RASGEF1B: variants seen among roughly 807,000 people sequenced by gnomAD.
The protein encoded by RASGEF1B is ras-GEF domain-containing family member 1B.
In RASGEF1B, 30 loss-of-function variants were observed where a neutral mutation model predicts 65.7. The observed-to-expected ratio is 0.46, with a 90% CI of 0.34 to 0.62. RASGEF1B has a LOEUF of 0.62. Ranked by LOEUF, RASGEF1B falls within the 20% of genes least tolerant of loss-of-function variation. The pLI is 0.01. For missense variants in RASGEF1B, 495 were observed against 580.1 expected, an observed-to-expected ratio of 0.85 and a Z score of 1.51; for synonymous variants, 175 against 194.8, an observed-to-expected ratio of 0.90 and a Z score of 0.85.
rs898646658 is a variant in RASGEF1B at position 81,471,877 on chromosome 4, T to A, written c.-114A>T. ...GCGCGGGAAGAAGAAAAACAAAATC[T>A]GTCTAACCAGTCGGGTTCCTTGTTT... On this transcript the variant is annotated 5_prime_UTR_variant, in exon 1 of 14. Coordinates refer to ENST00000264400, the MANE Select transcript of RASGEF1B (RefSeq NM_152545.3). 1 of 152,650 alleles carries A rather than the reference T, an allele frequency of 6.6e-6. No homozygotes were observed. Among genetic ancestry groups the A allele is most frequent in the African/African-American group, 2.4e-5 (1 of 41,458 alleles). The allele number at this position is 152,650 out of a possible 1,614,324, so 9.5% of individuals were successfully genotyped here.
intron 1 of RASGEF1B, among the ~76,000 whole-genome samples, chr4:81,466,770 A>AAAAAAAAAAGAAAG (rs748492254): frequency 2.8e-5 from 1 of 36,096 alleles, no homozygotes; most frequent in African/African-American, 9.5e-5. Flanking sequence ...AAAAAAAAAA[A>AAAAAAAAAAGAAAG]AAAGAAAGAA....
chr4:81,437,367 G>A (rs1407662384), intron 10 of RASGEF1B, among the ~76,000 whole-genome samples: 2 of 152,206 alleles, frequency 1.3e-5, no homozygotes, highest in African/African-American at 4.8e-5. Context: ...GTGCTACTGT[G>A]TCTAAGGTGA....
At chr4:81,432,614 A>G (rs889045055) in intron 12 of RASGEF1B, among the ~76,000 whole-genome samples, 4 of 152,226 alleles carry the variant, frequency 2.6e-5, no homozygotes, top group Non-Finnish European at 4.4e-5. Context: ...CTAAGAATGT[A>G]TAAGGCAAAA....
chr4:81,447,649 T>G (rs1336519334), intron 5 of RASGEF1B, 71 bp from the exon 6 acceptor site: 1 of 1,126,276 alleles, frequency 8.9e-7, no homozygotes. Flanking sequence ...ACTCCCTCTA[T>G]GACTATTGGC....
At chr4:81,466,555 C>T (rs540179482) in intron 1 of RASGEF1B, among the ~76,000 whole-genome samples, 21 of 151,838 alleles carry the variant, frequency 1.4e-4, no homozygotes, top group East Asian at 1.9e-4. Flanking sequence ...GTCAGCAGAT[C>T]GAGACCATCC....
intron 6 of RASGEF1B, among the ~76,000 whole-genome samples, chr4:81,446,364 T>G (rs1027651547): frequency 7.9e-5 from 12 of 152,080 alleles, no homozygotes; most frequent in African/African-American, 1.2e-4. Flanking sequence ...CAGAGTGAGA[T>G]TCGGCCTCCA....
intron 1 of RASGEF1B, among the ~76,000 whole-genome samples, chr4:81,463,065 GTCT>G (rs776151448): frequency 6.6e-6 from 1 of 152,150 alleles, no homozygotes; most frequent in African/African-American, 2.4e-5. Context: ...GCTGCAAATG[GTCT>G]TCTTTGAACT....
intron 1 of RASGEF1B, among the ~76,000 whole-genome samples, chr4:81,470,641 C>T (rs973089535): frequency 6.6e-6 from 1 of 152,174 alleles, no homozygotes. Flanking sequence ...GAGACGCGTT[C>T]GGCCCAAACA....
rs1002029170 is a variant in RASGEF1B at position 81,456,371 on chromosome 4, G to C, written c.438+280C>G. The stretch of plus-strand genomic sequence containing the variant: ...TGGGAGGAAAAAAGGTAAAAGTAAA[G>C]TAAAATTAAAACATACTTGCAACAT... On this transcript the variant is annotated intron_variant, in intron 4 of 13. Coordinates refer to ENST00000264400, the MANE Select transcript of RASGEF1B (RefSeq NM_152545.3). The C allele has an allele frequency of 4.8e-5, 29 of 598,536 alleles. 1 individual carries two copies. The highest frequency in any genetic ancestry group is 4.5e-4 in the African/African-American group (24 of 53,810). 37.1% of individuals were successfully genotyped at this position (598,536 alleles called of 1,614,324 possible). A position where few individuals can be genotyped will look rare whatever the true frequency, so the allele number is the denominator to read the frequency against.
chr4:81,456,540 A>G (rs1452391413), intron 4 of RASGEF1B, 111 bp downstream of exon 4: 1 of 1,240,034 alleles, frequency 8.1e-7, no homozygotes, highest in Non-Finnish European at 1.2e-6. Context: ...GGCTTGCCCA[A>G]AGGCAAAACA....
At chr4:81,427,819 A>C (rs760432663) in intron 13 of RASGEF1B, 27 bp from the exon 14 acceptor site, 1 of 1,611,170 alleles carries the variant, frequency 6.2e-7, no homozygotes, top group Non-Finnish European at 8.5e-7. Context: ...ACACAACCTA[A>C]GACAGAATGT....
chr4:81,446,842 C>A (rs1023065573), intron 6 of RASGEF1B, among the ~76,000 whole-genome samples: 1 of 152,190 alleles, frequency 6.6e-6, no homozygotes, highest in African/African-American at 2.4e-5. Context: ...TATTAGGAGA[C>A]ACTATTCTAA....
At chr4:81,458,468 C>T (rs1359510854) in intron 2 of RASGEF1B, among the ~76,000 whole-genome samples, 1 of 152,166 alleles carries the variant, frequency 6.6e-6, no homozygotes, top group Non-Finnish European at 1.5e-5. Flanking sequence ...CAGTAAGAAA[C>T]ACTATGGTGA....
intron 1 of RASGEF1B, among the ~76,000 whole-genome samples, chr4:81,463,849 AG>A (rs1640895385): frequency 6.6e-6 from 1 of 152,174 alleles, no homozygotes; most frequent in African/African-American, 2.4e-5. Context: ...GGAATTGAAA[AG>A]TGAGGCCCAA....
In RASGEF1B at chr4:81,426,692, C is replaced by T. The variant is rs950657946; in HGVS notation, c.*1076G>A. ...ACAATTAGATCAACCATTGAGTTAA[C>T]AGCAAGGTGTTTTTCATCTGTTTTG... is the stretch of plus-strand genomic sequence containing the variant. On this transcript the variant is annotated 3_prime_UTR_variant, in exon 14 of 14. Transcript: ENST00000264400. 4 of 152,154 alleles carry T rather than the reference C, an allele frequency of 2.6e-5. No homozygotes were observed. The highest frequency in any genetic ancestry group is 2.1e-4 in the South Asian group (1 of 4,830). 9.4% of individuals were successfully genotyped at this position (152,154 alleles called of 1,614,324 possible).
At chr4:81,446,900 A>T (rs1231057389) in intron 6 of RASGEF1B, among the ~76,000 whole-genome samples, 1 of 152,216 alleles carries the variant, frequency 6.6e-6, no homozygotes, top group Admixed American at 6.5e-5. Context: ...GGCTTTCAGC[A>T]GTGTGTGTTG....
chr4:81,445,179 C>G (rs1229159875), intron 8 of RASGEF1B, among the ~76,000 whole-genome samples: 1 of 152,178 alleles, frequency 6.6e-6, no homozygotes, highest in African/African-American at 2.4e-5. Context: ...TCCAAGGAAT[C>G]AGATAACTTA....
At chr4:81,450,175 C>T (rs1052196460) in intron 4 of RASGEF1B, among the ~76,000 whole-genome samples, 5 of 152,092 alleles carry the variant, frequency 3.3e-5, no homozygotes, top group Non-Finnish European at 7.4e-5. Context: ...TTTTAAATCT[C>T]TCATTCCTAT....
At chr4:81,445,382 T>A in intron 8 of RASGEF1B, 144 bp downstream of exon 8, 1 of 652,776 alleles carries the variant, frequency 1.5e-6, no homozygotes, top group Non-Finnish European at 2.7e-6. Flanking sequence ...TTTGGCTATT[T>A]AAAGCATTTT....
Sources: allele counts gnomAD v4.1 joint callset (sites outside exome capture counted in the v4.1 genomes callset), GRCh38; gene constraint gnomAD v4.1.1; transcripts MANE v1.5; gene names NCBI Gene and HGNC (gene_info 2026-07-23, HGNC 2026-07-21).